The following DNAH11 variants were observed in gnomAD, a reference collection of about 807,000 sequenced individuals.
DNAH11 encodes the protein dynein axonemal heavy chain 11.
Under a neutral mutation model 526.0 loss-of-function variants are expected in DNAH11, and 442 were observed. That is an observed-to-expected ratio of 0.84 (90% CI 0.78 to 0.91). The LOEUF is 0.91. Ranked by LOEUF, DNAH11 falls within the 40% of genes least tolerant of loss-of-function variation. DNAH11 has a pLI of 0.00. For synonymous variants in DNAH11, 2,461 were observed against 1,935.9 expected, an observed-to-expected ratio of 1.27 and a Z score of -7.12; for missense variants, 6,989 against 5,448.7, an observed-to-expected ratio of 1.28 and a Z score of -8.90.
intron 28 of DNAH11, among the ~76,000 whole-genome samples, chr7:21,644,965 A>C (rs534102172): frequency 9.1e-4 from 139 of 152,364 alleles, no homozygotes; most frequent in Middle Eastern, 3.4e-3. Context: ...CAAACTGTAC[A>C]ACAATATGCA....
intron 30 of DNAH11, among the ~76,000 whole-genome samples, chr7:21,673,533 C>T (rs972765406): frequency 3.3e-5 from 5 of 152,144 alleles, no homozygotes; most frequent in Non-Finnish European, 5.9e-5. Flanking sequence ...GAAGGGTGAT[C>T]TCCACTGCCC....
Position 21,864,611 on chromosome 7 carries a change from T to G in DNAH11, c.11450T>G (p.Leu3817Arg). ...LLRFTVEHTH[L>R]SPVDFLTSQS... ...CGATTCACAGTTGAACACACTCATCTGAGTCCCGTTGACTTCCTAACTTCT... is the reference window on the plus strand; with the variant it reads ...CGATTCACAGTTGAACACACTCATCGGAGTCCCGTTGACTTCCTAACTTCT... Residue 3817 changes from leucine to arginine, a missense_variant, in exon 70 of 82, where the codon CTG becomes CGG. Physicochemically the swap from Leu to Arg is moderately radical, Grantham distance 102 (BLOSUM62 -2). Coordinates refer to ENST00000409508, the MANE Select transcript of DNAH11 (RefSeq NM_001277115.2). 3 of 1,609,522 alleles carry G rather than the reference T, an allele frequency of 1.9e-6. No homozygotes were observed. Among genetic ancestry groups the G allele is most frequent in the Non-Finnish European group, 2.5e-6 (3 of 1,177,742 alleles).
intron 8 of DNAH11, among the ~76,000 whole-genome samples, chr7:21,579,561 G>C (rs1048417920): frequency 1.3e-5 from 2 of 152,148 alleles, no homozygotes; most frequent in African/African-American, 4.8e-5. Context: ...GTGAAGGAGA[G>C]AGACAGAATG....
At chr7:21,545,866 A>T (rs1328943328) in intron 2 of DNAH11, among the ~76,000 whole-genome samples, 3 of 152,182 alleles carry the variant, frequency 2.0e-5, no homozygotes. Context: ...GGTTCCATGG[A>T]ACTAGAACCT....
intron 40 of DNAH11, among the ~76,000 whole-genome samples, chr7:21,710,174 T>C (rs1025430821): frequency 6.6e-5 from 10 of 152,182 alleles, no homozygotes; most frequent in Non-Finnish European, 1.2e-4. Flanking sequence ...AATAAACAAA[T>C]ATTTGATCTA....
chr7:21,841,024 A>G (rs909287338), intron 65 of DNAH11, among the ~76,000 whole-genome samples: 5 of 152,090 alleles, frequency 3.3e-5, no homozygotes, highest in African/African-American at 1.2e-4. Context: ...TCTACTAAAA[A>G]TATACAAAAA....
At chr7:21,584,359 A>C (rs905064309) in intron 9 of DNAH11, among the ~76,000 whole-genome samples, 1 of 152,170 alleles carries the variant, frequency 6.6e-6, no homozygotes, top group South Asian at 2.1e-4. Context: ...GTTCTCACTC[A>C]TAAGTGGGAG....
intron 8 of DNAH11, among the ~76,000 whole-genome samples, chr7:21,572,182 G>A (rs577769000): frequency 3.3e-4 from 51 of 152,246 alleles, no homozygotes; most frequent in African/African-American, 1.1e-3. Context: ...TCAGAATGAC[G>A]GCTGATAAAA....
chr7:21,754,883 C>T (rs1786562657), intron 54 of DNAH11, among the ~76,000 whole-genome samples: 1 of 152,068 alleles, frequency 6.6e-6, no homozygotes, highest in Non-Finnish European at 1.5e-5. Flanking sequence ...TGTATGTTAC[C>T]CCCACATCCT....
intron 75 of DNAH11, among the ~76,000 whole-genome samples, chr7:21,883,116 T>C (rs899562113): frequency 1.3e-5 from 2 of 152,226 alleles, no homozygotes; most frequent in Admixed American, 1.3e-4. Flanking sequence ...ATATTTGAGG[T>C]TCATTTATTC....
intron 79 of DNAH11, among the ~76,000 whole-genome samples, chr7:21,895,752 CAG>C (rs1391905450): frequency 7.9e-5 from 12 of 152,150 alleles, no homozygotes; most frequent in African/African-American, 1.4e-4. Flanking sequence ...CTTTTTGAGA[CAG>C]AGTCTCACTC....
intron 51 of DNAH11, among the ~76,000 whole-genome samples, chr7:21,745,944 T>C (rs1786130495): frequency 6.6e-6 from 1 of 152,134 alleles, no homozygotes; most frequent in Non-Finnish European, 1.5e-5. Flanking sequence ...GCAAGAATGT[T>C]TGAGATACAG....
Position 21,600,919 on chromosome 7 carries a change from T to C in DNAH11, c.3244T>C (p.Phe1082Leu), listed in dbSNP as rs1387310753. Residue 1082 changes from phenylalanine to leucine, a missense_variant, in exon 16 of 82, where the codon TTC becomes CTC. By Grantham distance (22) the Phe-to-Leu change is conservative (BLOSUM62 0). Coordinates refer to ENST00000409508, the MANE Select transcript of DNAH11 (RefSeq NM_001277115.2). ...IPEQPPTLEQFKEQIDIYEAL... is the reference protein window; with the variant it reads ...IPEQPPTLEQLKEQIDIYEAL... ...CGAACAACCACCAACTCTTGAGCAA[T>C]TCAAAGAACAGGCAAGGAAAACCCT... 2 of 1,613,578 alleles carry C rather than the reference T, an allele frequency of 1.2e-6. No homozygotes were observed. The highest frequency in any genetic ancestry group is 1.7e-6 in the Non-Finnish European group (2 of 1,179,684).
At chr7:21,895,433 A>C (rs1332558939) in intron 79 of DNAH11, among the ~76,000 whole-genome samples, 1 of 152,230 alleles carries the variant, frequency 6.6e-6, no homozygotes, top group Non-Finnish European at 1.5e-5. Flanking sequence ...GAAAGTTTGT[A>C]ATATGGTATG....
At chr7:21,820,072 C>CT (rs1789991395) in intron 65 of DNAH11, among the ~76,000 whole-genome samples, 1 of 152,304 alleles carries the variant, frequency 6.6e-6, no homozygotes, top group Admixed American at 6.5e-5. Context: ...TCTCAACTCT[C>CT]TATCATCAGC....
chr7:21,769,838 A>C lies in DNAH11; in HGVS notation c.9103-3928A>C, dbSNP rs116398491. ...AGTCTTCAGTTGCTTCTTTGTTTCA[A>C]CTTTCTGGCAGAGAACCATTGAAGG... is the stretch of plus-strand genomic sequence containing the variant. On this transcript the variant is annotated intron_variant, in intron 55 of 81. Coordinates refer to ENST00000409508, the MANE Select transcript of DNAH11 (RefSeq NM_001277115.2). Among the ~76,000 whole-genome samples, 599 of 151,552 alleles carry C rather than the reference A, an allele frequency of 4.0e-3. 3 individuals are homozygous for C. Among genetic ancestry groups the C allele is most frequent in the African/African-American group, 0.014 (581 of 41,334 alleles).
intron 45 of DNAH11, among the ~76,000 whole-genome samples, chr7:21,726,669 G>A (rs1419318059): frequency 7.3e-4 from 111 of 151,072 alleles, no homozygotes; most frequent in Non-Finnish European, 5.9e-5. Context: ...AGGCCATCCT[G>A]GCTAACACGG....
At chr7:21,841,850 A>G (rs975576796) in intron 65 of DNAH11, among the ~76,000 whole-genome samples, 2 of 152,198 alleles carry the variant, frequency 1.3e-5, no homozygotes, top group African/African-American at 4.8e-5. Context: ...CAAGCCTGCC[A>G]GATCTGTCAT....
chr7:21,713,675 G>A (rs1458122283), intron 42 of DNAH11, among the ~76,000 whole-genome samples: 2 of 151,960 alleles, frequency 1.3e-5, no homozygotes, highest in African/African-American at 4.8e-5. Flanking sequence ...GATGACATTG[G>A]TTTCCTGCCA....
Sources: gnomAD v4.1 joint callset for allele counts (sites outside exome capture counted in the v4.1 genomes callset) on GRCh38, gnomAD v4.1.1 for gene constraint, MANE v1.5 for transcripts, NCBI Gene and HGNC (gene_info 2026-07-23, HGNC 2026-07-21) for gene names.